Variants in ZNF831 observed in about 807,000 individuals in gnomAD.
ZNF831 encodes the protein chromosome 20 open reading frame 174.
In ZNF831, 59 loss-of-function variants were observed where a neutral mutation model predicts 95.8. That is an observed-to-expected ratio of 0.62 (90% CI 0.50 to 0.77). The LOEUF (loss-of-function observed/expected upper bound fraction) is 0.77. Among genes scored for constraint, ZNF831 ranks in the 30% least tolerant of loss-of-function variants. ZNF831 has a pLI of 0.00. For synonymous variants in ZNF831, 961 were observed against 925.5 expected (o/e 1.04, Z -0.70); for missense variants, 2,205 against 2,164.0 (o/e 1.02, Z -0.38).
intron 4 of ZNF831, among the ~76,000 whole-genome samples, chr20:59,243,212 A>G (rs1163388469): frequency 6.6e-6 from 1 of 152,174 alleles, no homozygotes; most frequent in Admixed American, 6.5e-5. Context: ...GAAATATTTT[A>G]ACTGGATTTT....
intron 3 of ZNF831, among the ~76,000 whole-genome samples, chr20:59,206,123 T>C (rs1332100530): frequency 6.6e-6 from 1 of 152,052 alleles, no homozygotes; most frequent in Admixed American, 6.5e-5. Flanking sequence ...GACAAATAAA[T>C]CAGATGATCT....
intron 1 of ZNF831, among the ~76,000 whole-genome samples, chr20:59,136,090 GT>G (rs550414489): frequency 1.3e-5 from 2 of 152,310 alleles, no homozygotes; most frequent in South Asian, 4.2e-4. Context: ...TGAGGTCCCT[GT>G]TTTCTTACTA....
chr20:59,178,734 C>T (rs1355966683), intron 1 of ZNF831, among the ~76,000 whole-genome samples: 1 of 152,132 alleles, frequency 6.6e-6, no homozygotes, highest in African/African-American at 2.4e-5. Context: ...TTATTGATTC[C>T]ATTAGGCTTT....
At position 59,163,831 on chromosome 20, in the gene ZNF831, T is replaced by G. The variant is rs992341208; in HGVS notation, c.-413T>G. On this transcript the variant is annotated 5_prime_UTR_variant, in exon 1 of 6. Transcript: ENST00000371030. ...TCCTATTTCTGGGCCATACCAAGTT[T>G]TATCTCTGCTTGAGTCTCTTCCAGG... Among the ~76,000 whole-genome samples, 1 of 152,138 alleles carries G rather than the reference T, an allele frequency of 6.6e-6. No individual in the cohort carries two copies. Among genetic ancestry groups the G allele is most frequent in the African/African-American group, 2.4e-5 (1 of 41,418 alleles).
rs1342165265 is a variant in ZNF831 at position 59,217,160 on chromosome 20, C to CTGTGTGTGTGTG, written c.4027+10105_4027+10106insGTGTGTGTGTGT. Among the ~76,000 whole-genome samples, 99 of 114,786 alleles carry CTGTGTGTGTGTG rather than the reference C, an allele frequency of 8.6e-4. No homozygotes were observed. The highest frequency in any genetic ancestry group is 4.3e-3 in the African/African-American group (95 of 22,338). The allele number at this position is 114,786 out of a possible 152,430, so 75.3% of individuals were successfully genotyped here. A position where few individuals can be genotyped will look rare whatever the true frequency, so the allele number is the denominator to read the frequency against. On this transcript the variant is annotated intron_variant, in intron 4 of 5. Transcript: ENST00000371030. The surrounding 1 kb of genome is among the most constrained non-coding windows in gnomAD (Gnocchi z 4.4). ...TGGAGTACATCTGACAGATCTTCAT[C>CTGTGTGTGTGTG]TCTGTGTGTGTGTGTGTGTGTGTGT...
intron 1 of ZNF831, among the ~76,000 whole-genome samples, chr20:59,166,032 G>A (rs574382497): frequency 2.0e-5 from 3 of 152,250 alleles, no homozygotes; most frequent in East Asian, 1.9e-4. Context: ...GATTACAGGC[G>A]TGAGCTACCA....
chr20:59,181,565 C>T (rs766739792), intron 1 of ZNF831, among the ~76,000 whole-genome samples: 10 of 151,986 alleles, frequency 6.6e-5, no homozygotes, highest in Non-Finnish European at 1.3e-4. Context: ...GGAAGGGGTC[C>T]AGTTTCTGCT....
rs1156763861 is a variant in ZNF831 at position 59,252,131 on chromosome 20, G to A, written c.4028-847G>A. ...TAACAATGTTATCAGACATGAAGGA[G>A]CTAAAAGTCAAAAGACTCCCGAATG... On this transcript the variant is annotated intron_variant, in intron 4 of 5. Transcript: ENST00000371030. Among the ~76,000 whole-genome samples, 3 of 152,306 alleles carry A rather than the reference G, an allele frequency of 2.0e-5. No individual in the cohort carries two copies. In the East Asian group the frequency reaches 5.8e-4, roughly 29 times the overall value.
chr20:59,144,751 C>G (rs1303410270), intron 1 of ZNF831, among the ~76,000 whole-genome samples: 2 of 152,212 alleles, frequency 1.3e-5, no homozygotes, highest in African/African-American at 4.8e-5. Context: ...TGCCTCTCGT[C>G]CTGGTAGAGT....
At chr20:59,140,740 A>T (rs954580598) in intron 1 of ZNF831, among the ~76,000 whole-genome samples, 4 of 152,046 alleles carry the variant, frequency 2.6e-5, no homozygotes, top group Non-Finnish European at 5.9e-5. Flanking sequence ...TGTCATTTTT[A>T]ATTTTAGCCA....
chr20:59,226,762 T>C (rs1986455467), intron 4 of ZNF831, among the ~76,000 whole-genome samples: 1 of 151,910 alleles, frequency 6.6e-6, no homozygotes, highest in South Asian at 2.1e-4. Context: ...ACTTGTAGCA[T>C]GCATCTTTGA....
intron 1 of ZNF831, among the ~76,000 whole-genome samples, chr20:59,181,782 A>T (rs1335034468): frequency 4.2e-5 from 5 of 118,046 alleles, no homozygotes; most frequent in African/African-American, 1.7e-4. Flanking sequence ...CTTGTAGTAT[A>T]GTTTTTCTCA....
At chr20:59,167,406 A>T (rs1468350851) in intron 1 of ZNF831, among the ~76,000 whole-genome samples, 3 of 150,270 alleles carry the variant, frequency 2.0e-5, no homozygotes, top group African/African-American at 7.3e-5. Flanking sequence ...TTCTCTTATT[A>T]TAAGCAGGGG....
At chr20:59,123,827 G>A (rs1163558346) in intron 1 of ZNF831, among the ~76,000 whole-genome samples, 1 of 152,148 alleles carries the variant, frequency 6.6e-6, no homozygotes, top group African/African-American at 2.4e-5. Context: ...CTCTAATCGG[G>A]GCATTTGATT....
chr20:59,156,588 C>T (rs1980557370), intron 2 of ZNF831, among the ~76,000 whole-genome samples: 1 of 152,092 alleles, frequency 6.6e-6, no homozygotes, highest in Non-Finnish European at 1.5e-5. Flanking sequence ...AAAACGGACA[C>T]TCTGCTGTGT....
intron 1 of ZNF831, among the ~76,000 whole-genome samples, chr20:59,142,050 TC>T (rs1568723273): frequency 6.6e-6 from 1 of 152,136 alleles, no homozygotes; most frequent in African/African-American, 2.4e-5. Flanking sequence ...CCCACAGCAA[TC>T]CTCTATGGAT....
intron 1 of ZNF831, among the ~76,000 whole-genome samples, chr20:59,134,198 C>T (rs1372122226): frequency 6.6e-6 from 1 of 152,198 alleles, no homozygotes; most frequent in African/African-American, 2.4e-5. Flanking sequence ...CAGCAGATCC[C>T]CTGCTCCCCT....
intron 1 of ZNF831, among the ~76,000 whole-genome samples, chr20:59,124,792 T>G (rs1157910595): frequency 2.0e-5 from 3 of 152,234 alleles, no homozygotes; most frequent in African/African-American, 7.2e-5. Context: ...CTTATCGCAG[T>G]GGGCTTGGCA....
intron 4 of ZNF831, among the ~76,000 whole-genome samples, chr20:59,234,656 A>G (rs1345742571): frequency 6.6e-6 from 1 of 152,216 alleles, no homozygotes; most frequent in Non-Finnish European, 1.5e-5. Flanking sequence ...GAGACACTCA[A>G]CGCGACAGAA....
Sources: allele counts gnomAD v4.1 joint callset (sites outside exome capture counted in the v4.1 genomes callset), GRCh38; gene constraint gnomAD v4.1.1; non-coding constraint Gnocchi (gnomAD v3.1); transcripts MANE v1.5; gene names NCBI Gene and HGNC (gene_info 2026-07-23, HGNC 2026-07-21).